The following RALGAPA2 variants were observed in gnomAD, a reference collection of about 807,000 sequenced individuals.
The protein encoded by RALGAPA2 is ral GTPase-activating protein subunit alpha-2.
A neutral mutation model predicts 230.4 loss-of-function variants in RALGAPA2; 139 were observed. The observed-to-expected ratio is 0.60, with a 90% CI of 0.53 to 0.69. The LOEUF (loss-of-function observed/expected upper bound fraction) is 0.69. RALGAPA2 is among the 30% of genes least tolerant of loss of function. RALGAPA2 has a pLI of 0.00. For missense variants in RALGAPA2, 2,163 were observed against 2,276.0 expected, an observed-to-expected ratio of 0.95 and a Z score of 1.01; for synonymous variants, 847 against 837.8, an observed-to-expected ratio of 1.01 and a Z score of -0.19.
At chr20:20,518,119 G>A (rs1026079151) in intron 31 of RALGAPA2, among the ~76,000 whole-genome samples, 1 of 151,738 alleles carries the variant, frequency 6.6e-6, no homozygotes, top group Non-Finnish European at 1.5e-5. Context: ...GCAGTGGTGC[G>A]ATCGTGGCTC....
chr20:20,680,088 G>A (rs1340122581), intron 2 of RALGAPA2, among the ~76,000 whole-genome samples: 1 of 152,210 alleles, frequency 6.6e-6, no homozygotes, highest in Non-Finnish European at 1.5e-5. Flanking sequence ...CTCAGAGACA[G>A]ATTAATTTGC....
chr20:20,439,239 G>A (rs1416929208), intron 37 of RALGAPA2, among the ~76,000 whole-genome samples: 2 of 151,546 alleles, frequency 1.3e-5, no homozygotes, highest in Non-Finnish European at 2.9e-5. Flanking sequence ...TTGAGACAGG[G>A]TCTCACTTTT....
At chr20:20,638,220 A>T (rs926680697) in intron 7 of RALGAPA2, among the ~76,000 whole-genome samples, 4 of 152,138 alleles carry the variant, frequency 2.6e-5, no homozygotes, top group Non-Finnish European at 2.9e-5. Flanking sequence ...CCCCAACATG[A>T]CTTAGGGAAA....
rs374451382 is a variant in RALGAPA2 at position 20,629,558 on chromosome 20, C to A, written c.1038G>T (p.Ala346=). Residue 346 remains alanine (A), a synonymous_variant, in exon 10 of 40, where the codon GCG becomes GCT. Coordinates refer to ENST00000202677, the MANE Select transcript of RALGAPA2 (RefSeq NM_020343.4). Reference sequence around the variant, plus strand: ...TGGGCCCACCACCATCCAGCTCAGGCGCTCTCTCCTGCACAGCACCACCAC... The same window carrying A: ...TGGGCCCACCACCATCCAGCTCAGGAGCTCTCTCCTGCACAGCACCACCAC... ...TVGGGAVQER[A]PELDGGGPTE... 1.2e-6 allele frequency: 2 copies of A among 1,613,608 alleles called. No individual in the cohort carries two copies. The highest frequency in any genetic ancestry group is 2.2e-5 in the South Asian group (2 of 91,052).
chr20:20,535,646 A>G, intron 26 of RALGAPA2, 99 bp downstream of exon 26: 1 of 1,444,304 alleles, frequency 6.9e-7, no homozygotes, highest in South Asian at 1.5e-5. Context: ...TATAAGAGCT[A>G]TGTGAAAGAA....
intron 37 of RALGAPA2, among the ~76,000 whole-genome samples, chr20:20,463,577 G>C (rs960662252): frequency 1.3e-5 from 2 of 152,070 alleles, no homozygotes; most frequent in African/African-American, 4.8e-5. Context: ...TCTTGTAATG[G>C]CCAGACTTTT....
chr20:20,533,417 A>G (rs2063417490), intron 26 of RALGAPA2, among the ~76,000 whole-genome samples: 1 of 152,188 alleles, frequency 6.6e-6, no homozygotes, highest in South Asian at 2.1e-4. Flanking sequence ...CACTACAAAC[A>G]TGTAAAATAT....
intron 23 of RALGAPA2, among the ~76,000 whole-genome samples, chr20:20,561,556 T>G (rs1463892929): frequency 6.6e-6 from 1 of 152,226 alleles, no homozygotes; most frequent in Non-Finnish European, 1.5e-5. Context: ...CTTAAACTGA[T>G]TTTTTTAGAC....
At position 20,629,528 on chromosome 20, in the gene RALGAPA2, C is replaced by G. The variant is rs370909570; in HGVS notation, c.1068G>C (p.Glu356Asp). 1.2e-6 allele frequency: 2 copies of G among 1,613,826 alleles called. No homozygotes were observed. The highest frequency in any genetic ancestry group is 2.7e-5 in the African/African-American group (2 of 74,902). ...TGCTGTTAGAATGGCTTTTGTCCTG[C>G]TCCGTGGGCCCACCACCATCCAGCT... The part of the protein sequence containing the change: ...APELDGGGPT[E>D]QDKSHSNSST... The change falls in exon 10 of 40, where the codon GAG becomes GAC. Residue 356 changes from glutamate to aspartate, a missense_variant. Transcript: ENST00000202677.
Position 20,707,024 on chromosome 20 carries a change from C to T in RALGAPA2, c.106+5351G>A, listed in dbSNP as rs141984119. ...CCCATGTCCCACAACCCCCCAGACA[C>T]GCCACTTGGATCTTGCCTTTTCTTA... On this transcript the variant is annotated intron_variant, in intron 1 of 39. Coordinates refer to ENST00000202677, the MANE Select transcript of RALGAPA2 (RefSeq NM_020343.4). 2.4e-3 allele frequency among the ~76,000 whole-genome samples: 373 copies of T among 152,276 alleles called. 4 individuals carry two copies. Among genetic ancestry groups the T allele is most frequent in the African/African-American group, 8.4e-3 (351 of 41,546 alleles).
rs527383386 is a variant in RALGAPA2 at position 20,429,314 on chromosome 20, A to G, written c.5496-17166T>C. ...CTTATTTAAGATGCTTGCAATGTTC[A>G]GTGCTAAATTAATCCACAAACATTG... On this transcript the variant is annotated intron_variant, in intron 37 of 39. Transcript: ENST00000202677. Among the ~76,000 whole-genome samples the G allele has an allele frequency of 3.3e-4, 51 of 152,344 alleles. No homozygotes were observed. In the South Asian group the frequency reaches 9.7e-3, roughly 29 times the overall value.
At chr20:20,422,905 G>A (rs1602324454) in intron 37 of RALGAPA2, among the ~76,000 whole-genome samples, 2 of 152,230 alleles carry the variant, frequency 1.3e-5, no homozygotes, top group East Asian at 3.9e-4. Flanking sequence ...TGGGAATGAG[G>A]AGTGGGTCTT....
At chr20:20,462,403 C>T (rs554281098) in intron 37 of RALGAPA2, among the ~76,000 whole-genome samples, 4 of 152,210 alleles carry the variant, frequency 2.6e-5, no homozygotes, top group African/African-American at 7.2e-5. Flanking sequence ...GGCTGGCACA[C>T]GGGACACCTG....
intron 1 of RALGAPA2, among the ~76,000 whole-genome samples, chr20:20,710,718 G>A (rs1225716045): frequency 6.6e-6 from 1 of 152,202 alleles, no homozygotes; most frequent in Non-Finnish European, 1.5e-5. Flanking sequence ...TTCTCAGAAT[G>A]GGAACAATGT....
intron 2 of RALGAPA2, among the ~76,000 whole-genome samples, chr20:20,677,239 A>C (rs892025210): frequency 5.3e-5 from 8 of 152,228 alleles, no homozygotes; most frequent in Non-Finnish European, 1.0e-4. Context: ...ACAGAAGCCA[A>C]AAAAGATGGT....
intron 20 of RALGAPA2, among the ~76,000 whole-genome samples, chr20:20,574,629 T>A (rs950510036): frequency 1.3e-5 from 2 of 152,094 alleles, no homozygotes; most frequent in African/African-American, 4.8e-5. Context: ...AACAAAAAAA[T>A]TTATTTCATA....
chr20:20,465,659 CTA>C (rs1476854982), intron 37 of RALGAPA2, among the ~76,000 whole-genome samples: 2 of 152,140 alleles, frequency 1.3e-5, no homozygotes, highest in Non-Finnish European at 2.9e-5. Flanking sequence ...AGATGTCACT[CTA>C]TAGCAAAAAT....
chr20:20,571,313 A>G, intron 23 of RALGAPA2, 145 bp downstream of exon 23: 1 of 924,588 alleles, frequency 1.1e-6, no homozygotes, highest in Non-Finnish European at 1.6e-6. Context: ...TTGAAAGACC[A>G]TTGTGCTTGC....
Position 20,635,291 on chromosome 20 carries a change from T to G in RALGAPA2, c.1005+127A>C, listed in dbSNP as rs1603146213. 18 of 1,009,262 alleles carry G rather than the reference T, an allele frequency of 1.8e-5. No individual in the cohort carries two copies. The East Asian group carries it at 4.5e-4, about 25-fold the overall frequency. 62.5% of individuals were successfully genotyped at this position (1,009,262 alleles called of 1,614,324 possible). On this transcript the variant is annotated intron_variant, in intron 9 of 39. Coordinates refer to ENST00000202677, the MANE Select transcript of RALGAPA2 (RefSeq NM_020343.4). The stretch of plus-strand genomic sequence containing the variant: ...TGGCATTACAGACAGGGTAGGCCAA[T>G]AAAATCACTTACCTATAACCAACAA...
Sources: gnomAD v4.1 joint callset for allele counts (sites outside exome capture counted in the v4.1 genomes callset) on GRCh38, gnomAD v4.1.1 for gene constraint, MANE v1.5 for transcripts, NCBI Gene and HGNC (gene_info 2026-07-23, HGNC 2026-07-21) for gene names.